The following ST6GALNAC1 variants were observed in gnomAD, a reference collection of about 807,000 sequenced individuals.
ST6GALNAC1 encodes alpha-N-acetylgalactosaminide alpha-2,6-sialyltransferase 1.
ST6GALNAC1 carries 45 observed loss-of-function variants against 56.8 expected under a neutral mutation model. The observed-to-expected ratio is 0.79, with a 90% CI of 0.62 to 1.02. ST6GALNAC1 has a LOEUF of 1.02. Ranked by LOEUF, ST6GALNAC1 falls within the 50% of genes least tolerant of loss-of-function variation. The probability of loss-of-function intolerance (pLI) is 0.00; values close to 1 mark genes in which losing one functional copy is unlikely to be tolerated. For missense variants in ST6GALNAC1, 743 were observed against 754.8 expected (o/e 0.98, Z 0.18); for synonymous variants, 295 against 297.8 (o/e 0.99, Z 0.10).
At chr17:76,642,170 A>C (rs1359597244) in intron 1 of ST6GALNAC1, among the ~76,000 whole-genome samples, 2 of 151,352 alleles carry the variant, frequency 1.3e-5, no homozygotes, top group Admixed American at 6.6e-5. Context: ...CTATCCATCT[A>C]TCTGTCCATC....
intron 1 of ST6GALNAC1, among the ~76,000 whole-genome samples, 197 bp downstream of exon 1, chr17:76,643,311 C>T (rs2076073252): frequency 1.3e-5 from 2 of 152,182 alleles, no homozygotes; most frequent in Non-Finnish European, 2.9e-5. Context: ...TCTTGGTTGC[C>T]CACTGCCACC....
chr17:76,626,164 A>G lies in ST6GALNAC1; in HGVS notation c.1416-69T>C, dbSNP rs1035880750. On this transcript the variant is annotated intron_variant, in intron 6 of 8. Coordinates refer to ENST00000156626, the MANE Select transcript of ST6GALNAC1 (RefSeq NM_018414.5). The stretch of plus-strand genomic sequence containing the variant: ...GTCTGGGGTGGGCCAAGTCAGGGTC[A>G]TGAGCATGACTGGTATCCCATCTCC... 4 of 1,570,734 alleles carry G rather than the reference A, an allele frequency of 2.5e-6. No individual in the cohort carries two copies. In the African/African-American group the frequency reaches 5.4e-5, roughly 21 times the overall value.
At chr17:76,620,833 G>T (rs2075732674), downstream of ST6GALNAC1, among the ~76,000 whole-genome samples, 1 of 151,994 alleles carries the variant, frequency 6.6e-6, no homozygotes, top group Non-Finnish European at 1.5e-5. Context: ...AACCCCAAGT[G>T]ATCCACCCGC....
In ST6GALNAC1 at chr17:76,626,759, T is replaced by C. The variant is rs1295009787; in HGVS notation, c.1203A>G (p.Glu401=). ...AGGATGTCCGAGTCCCCACATCCTG[T>C]TCGTAGCCTTTAATGAGAGCTCCGC... ...RLSGALIKGY[E]QDVGTRTSFY... is the part of the protein sequence containing the mutation. The change falls in exon 5 of 9, where the codon GAA becomes GAG. Residue 401 remains glutamate, a synonymous_variant. Coordinates refer to ENST00000156626, the MANE Select transcript of ST6GALNAC1 (RefSeq NM_018414.5). 1.9e-6 allele frequency: 3 copies of C among 1,614,068 alleles called. No individual in the cohort carries two copies.
rs527809877 is a variant in ST6GALNAC1 at position 76,627,081 on chromosome 17, G to C, written c.1158C>G (p.His386Gln). ...NSHMGQEIDS[H>Q]DYVFRLSGAL... ...GGACAGCTTACCGGAACACGTAGTC[G>C]TGACTGTCTATCTCCTGGCCCATGT... The change falls in exon 4 of 9, where the codon CAC becomes CAG. Residue 386 changes from histidine (H) to glutamine (Q), a missense_variant. Transcript: ENST00000156626. This position sits in a 1 kb window ranked among gnomAD's most constrained non-coding sequence, Gnocchi z 4.4. The C allele has an allele frequency of 6.4e-7, 1 of 1,556,352 alleles. No homozygotes were observed. Among genetic ancestry groups the C allele is most frequent in the Non-Finnish European group, 8.7e-7 (1 of 1,151,746 alleles).
chr17:76,626,181 C>A, intron 6 of ST6GALNAC1, 86 bp from the exon 7 acceptor site: 1 of 1,545,130 alleles, frequency 6.5e-7, no homozygotes, highest in Admixed American at 1.7e-5. Flanking sequence ...TGACTGGTAT[C>A]CCATCTCCAG....
At chr17:76,636,121 C>G (rs991051047) in intron 1 of ST6GALNAC1, among the ~76,000 whole-genome samples, 5 of 152,312 alleles carry the variant, frequency 3.3e-5, no homozygotes, top group Admixed American at 2.0e-4. Context: ...TTATCCCAGT[C>G]CCTTCAAAGA....
chr17:76,639,320 A>G (rs2076015890), intron 1 of ST6GALNAC1, among the ~76,000 whole-genome samples: 1 of 152,176 alleles, frequency 6.6e-6, no homozygotes, highest in South Asian at 2.1e-4. Context: ...CCCATGCTGT[A>G]ATCCCAGCAC....
At chr17:76,621,943 C>CTTTTTTTTTTTTTT (rs71158041), downstream of ST6GALNAC1, among the ~76,000 whole-genome samples, 4 of 138,024 alleles carry the variant, frequency 2.9e-5, no homozygotes, top group Non-Finnish European at 4.7e-5. Context: ...TCTTTCTTTT[C>CTTTTTTTTTTTTTT]TTTTTTTTTT....
At position 76,627,966 on chromosome 17, in the gene ST6GALNAC1, G is replaced by A. The variant is rs887597637; in HGVS notation, c.832-383C>T. Among the ~76,000 whole-genome samples, 2 of 152,114 alleles carry A rather than the reference G, an allele frequency of 1.3e-5. No homozygotes were observed. The highest frequency in any genetic ancestry group is 2.4e-5 in the African/African-American group (1 of 41,528). On this transcript the variant is annotated intron_variant, in intron 2 of 8. Transcript: ENST00000156626. This position sits in a 1 kb window ranked among gnomAD's most constrained non-coding sequence, Gnocchi z 4.4. ...CAAAAAATTAGCCGGGCGTGGTGGC[G>A]GGCGCCTGTAGTTCCAGCTACTCGG... is the stretch of plus-strand genomic sequence containing the variant.
At chr17:76,619,757 T>TC in the ST6GALNAC1 span, among the ~76,000 whole-genome samples, 2 of 148,448 alleles carry the variant, frequency 1.3e-5, no homozygotes, top group African/African-American at 2.5e-5. Context: ...TTTTTTTTTT[T>TC]TTTTTTTAGG....
At chr17:76,637,580 A>C (rs774908649) in intron 1 of ST6GALNAC1, 5 of 397,822 alleles carry the variant, frequency 1.3e-5, no homozygotes, top group Non-Finnish European at 2.2e-5. Flanking sequence ...AACAAAAAAA[A>C]CCCAAAAAAA....
Position 76,643,602 on chromosome 17 carries a change from G to C in ST6GALNAC1, c.37C>G (p.Gln13Glu). ...SCLWRCRHLSQGVQWSLLLAV... is the reference protein window; with the variant it reads ...SCLWRCRHLSEGVQWSLLLAV... Reference sequence around the variant, plus strand: ...AGAAGCAAGGACCACTGGACGCCTTGGCTCAGGTGCCTGCATCTCCACAGG... The same window carrying C: ...AGAAGCAAGGACCACTGGACGCCTTCGCTCAGGTGCCTGCATCTCCACAGG... The change falls in exon 1 of 9, where the codon CAA (glutamine) becomes GAA (glutamate). Residue 13 changes from glutamine to glutamate, a missense_variant. Coordinates refer to ENST00000156626, the MANE Select transcript of ST6GALNAC1 (RefSeq NM_018414.5). 3.1e-6 allele frequency: 5 copies of C among 1,614,160 alleles called. No individual in the cohort carries two copies. The highest frequency in any genetic ancestry group is 4.2e-6 in the Non-Finnish European group (5 of 1,180,002).
chr17:76,639,669 AC>A, intron 1 of ST6GALNAC1, among the ~76,000 whole-genome samples: 1 of 150,200 alleles, frequency 6.7e-6, no homozygotes, highest in African/African-American at 2.5e-5. Context: ...ACACACACAC[AC>A]ACACACACAC....
chr17:76,625,732 C>A, intron 8 of ST6GALNAC1, 87 bp downstream of exon 8: 2 of 1,269,294 alleles, frequency 1.6e-6, no homozygotes, highest in Non-Finnish European at 2.2e-6. Context: ...GGGCACCCAG[C>A]CCATGCACTG....
downstream of ST6GALNAC1, among the ~76,000 whole-genome samples, chr17:76,621,642 A>AT (rs1384190861): frequency 2.0e-5 from 3 of 151,578 alleles, no homozygotes; most frequent in African/African-American, 7.3e-5. Flanking sequence ...CACCCGGCTA[A>AT]TTTTTGTATT....
chr17:76,625,364 C>T lies in ST6GALNAC1; in HGVS notation c.1769G>A (p.Arg590His), dbSNP rs752875565. 27 of 1,613,756 alleles carry T rather than the reference C, an allele frequency of 1.7e-5. No individual in the cohort carries two copies. The highest frequency in any genetic ancestry group is 1.5e-4 in the Admixed American group (9 of 59,996). Residue 590 changes from arginine to histidine, a missense_variant, in exon 9 of 9, where the codon CGT (arginine) becomes CAT (histidine). Physicochemically the swap from Arg to His is conservative, Grantham distance 29. Coordinates refer to ENST00000156626, the MANE Select transcript of ST6GALNAC1 (RefSeq NM_018414.5). ...GGCTTTGGCAGTTCCGGGACCAGGACGCTGGTACAGCCGGATTATCCCTTC... is the reference window on the plus strand; with the variant it reads ...GGCTTTGGCAGTTCCGGGACCAGGATGCTGGTACAGCCGGATTATCCCTTC... ...HDEGIIRLYQRPGPGTAKAKN is the reference protein window; with the variant it reads ...HDEGIIRLYQHPGPGTAKAKN
intron 1 of ST6GALNAC1, among the ~76,000 whole-genome samples, chr17:76,631,468 T>A (rs773314404): frequency 1.3e-5 from 2 of 152,034 alleles, no homozygotes; most frequent in Non-Finnish European, 2.9e-5. Context: ...AAAGGAAAAA[T>A]TTATTATAAG....
At chr17:76,617,823 G>A in the ST6GALNAC1 span, among the ~76,000 whole-genome samples, 2 of 152,092 alleles carry the variant, frequency 1.3e-5, no homozygotes, top group Admixed American at 6.6e-5. Flanking sequence ...ACTTCAGACT[G>A]GAGTTGAAGG....
Sources: allele counts gnomAD v4.1 joint callset (sites outside exome capture counted in the v4.1 genomes callset), GRCh38; gene constraint gnomAD v4.1.1; non-coding constraint Gnocchi (gnomAD v3.1); transcripts MANE v1.5; gene names NCBI Gene and HGNC (gene_info 2026-07-23, HGNC 2026-07-21).